The following FHIT variants were observed in gnomAD, a reference collection of about 807,000 sequenced individuals.
The protein encoded by FHIT is bis(5'-adenosyl)-triphosphatase.
Under a neutral mutation model 17.9 loss-of-function variants are expected in FHIT, and 19 were observed. The observed-to-expected ratio is 1.06, with a 90% CI of 0.74 to 1.56. The LOEUF is 1.56. FHIT is among the 40% of genes most tolerant of loss of function. The probability of loss-of-function intolerance (pLI) is 0.00; values close to 1 mark genes in which losing one functional copy is unlikely to be tolerated. For missense variants in FHIT, 248 were observed against 189.2 expected, an observed-to-expected ratio of 1.31 and a Z score of -1.82; for synonymous variants, 81 against 69.7, an observed-to-expected ratio of 1.16 and a Z score of -0.81.
At chr3:61,127,131 A>G (rs868626168) in intron 2 of FHIT, among the ~76,000 whole-genome samples, 2 of 152,190 alleles carry the variant, frequency 1.3e-5, no homozygotes, top group Non-Finnish European at 1.5e-5. Context: ...TTACGCTGTA[A>G]CAGAATCATT....
chr3:60,427,793 G>C lies in FHIT; in HGVS notation c.103+109067C>G, dbSNP rs569455133. Among the ~76,000 whole-genome samples the C allele has an allele frequency of 2.0e-5, 3 of 152,036 alleles. No homozygotes were observed. The East Asian group carries it at 5.8e-4, about 29-fold the overall frequency. On this transcript the variant is annotated intron_variant, in intron 5 of 9. Coordinates refer to ENST00000492590, the MANE Select transcript of FHIT (RefSeq NM_002012.4). Reference sequence around the variant, plus strand: ...ACTGCCTGCTGGTCAATTCCATGTGGGCACTACCAAACTCCTCATTTGATA... The same window carrying C: ...ACTGCCTGCTGGTCAATTCCATGTGCGCACTACCAAACTCCTCATTTGATA...
At chr3:60,525,875 G>A (rs1576813504) in intron 5 of FHIT, among the ~76,000 whole-genome samples, 1 of 152,116 alleles carries the variant, frequency 6.6e-6, no homozygotes, top group African/African-American at 2.4e-5. Context: ...GGGAGGCTGA[G>A]GTAGATTGCT....
chr3:60,301,409 A>G (rs1051241871), intron 5 of FHIT, among the ~76,000 whole-genome samples: 6 of 152,178 alleles, frequency 3.9e-5, no homozygotes, highest in African/African-American at 1.2e-4. Context: ...TCGCCAAGCT[A>G]TAATTACTGA....
Position 59,790,525 on chromosome 3 carries a change from T to C in FHIT, c.349-38204A>G, listed in dbSNP as rs1024343944. 5.9e-3 allele frequency among the ~76,000 whole-genome samples: 732 copies of C among 124,908 alleles called. 1 individual carries two copies. Among genetic ancestry groups the C allele is most frequent in the Non-Finnish European group, 7.2e-3 (446 of 61,990 alleles). The allele number at this position is 124,908 out of a possible 152,430, so 81.9% of individuals were successfully genotyped here. On this transcript the variant is annotated intron_variant, in intron 8 of 9. Transcript: ENST00000492590. ...CTCTCTTTCTCTCTCTCTCTCTCTCTCTCTGTGTGTGTGTGTGTATAAATC... is the reference window on the plus strand; with the variant it reads ...CTCTCTTTCTCTCTCTCTCTCTCTCCCTCTGTGTGTGTGTGTGTATAAATC...
At chr3:61,029,574 C>T (rs552429439) in intron 3 of FHIT, among the ~76,000 whole-genome samples, 1 of 152,266 alleles carries the variant, frequency 6.6e-6, no homozygotes, top group African/African-American at 2.4e-5. Flanking sequence ...GCAAGTCAGG[C>T]AGGCATATTA....
intron 1 of FHIT, among the ~76,000 whole-genome samples, chr3:61,212,723 A>T (rs563929189): frequency 6.6e-6 from 1 of 152,368 alleles, no homozygotes; most frequent in African/African-American, 2.4e-5. Flanking sequence ...AGTTGAAATG[A>T]AGGAAAAAAT....
chr3:59,749,727 G>A (rs1700781776), intron 9 of FHIT, 148 bp from the exon 10 acceptor site: 4 of 229,400 alleles, frequency 1.7e-5, no homozygotes, highest in Admixed American at 5.7e-5. Flanking sequence ...CCTGATTAAT[G>A]CTTAATTACA....
chr3:60,755,343 A>G (rs1486169675), intron 4 of FHIT, among the ~76,000 whole-genome samples: 1 of 152,190 alleles, frequency 6.6e-6, no homozygotes, highest in African/African-American at 2.4e-5. Flanking sequence ...GTCCCATCCC[A>G]TTGCTGTCAG....
intron 5 of FHIT, among the ~76,000 whole-genome samples, chr3:60,516,387 G>A (rs987742115): frequency 2.6e-5 from 4 of 152,160 alleles, no homozygotes; most frequent in African/African-American, 9.7e-5. Context: ...TCTATCATGA[G>A]ATGTCTTCGC....
At chr3:59,810,982 T>C (rs1700388076) in intron 8 of FHIT, among the ~76,000 whole-genome samples, 1 of 152,234 alleles carries the variant, frequency 6.6e-6, no homozygotes. Flanking sequence ...ATACTTGTGA[T>C]GGTCTGCTCT....
intron 4 of FHIT, among the ~76,000 whole-genome samples, chr3:60,721,485 C>T (rs1334470288): frequency 1.3e-5 from 2 of 152,064 alleles, no homozygotes; most frequent in Non-Finnish European, 2.9e-5. Flanking sequence ...ACAATTATAA[C>T]CTACCAAGTC....
chr3:60,041,398 T>C (rs1289684519), intron 5 of FHIT, among the ~76,000 whole-genome samples: 1 of 152,174 alleles, frequency 6.6e-6, no homozygotes, highest in Non-Finnish European at 1.5e-5. Context: ...CAGCAATAAT[T>C]TACACTTCAG....
At chr3:60,383,657 T>C (rs1283963592) in intron 5 of FHIT, among the ~76,000 whole-genome samples, 1 of 135,610 alleles carries the variant, frequency 7.4e-6, no homozygotes, top group Non-Finnish European at 1.7e-5. Context: ...CATGAGCTAC[T>C]GAAAAAAAAA....
intron 2 of FHIT, among the ~76,000 whole-genome samples, chr3:61,084,964 T>A (rs1332270067): frequency 3.3e-5 from 5 of 152,230 alleles, no homozygotes; most frequent in Admixed American, 3.3e-4. Flanking sequence ...CATATCCAGG[T>A]TATTTCAGGT....
chr3:60,104,671 G>C (rs762313877), intron 5 of FHIT, among the ~76,000 whole-genome samples: 1 of 152,020 alleles, frequency 6.6e-6, no homozygotes, highest in Non-Finnish European at 1.5e-5. Context: ...AATGGCCTTA[G>C]AGAAGGTGAG....
intron 5 of FHIT, among the ~76,000 whole-genome samples, chr3:60,515,614 CTT>C (rs138799891): frequency 0.082 from 12,422 of 151,072 alleles, 664 homozygotes; most frequent in East Asian, 0.1. Flanking sequence ...ATAAGAGAAA[CTT>C]TAAGAAAACT....
At chr3:61,241,257 ATCTTAC>A (rs2040367266) in intron 1 of FHIT, among the ~76,000 whole-genome samples, 1 of 152,036 alleles carries the variant, frequency 6.6e-6, no homozygotes, top group African/African-American at 2.4e-5. Context: ...GACTGAAACA[ATCTTAC>A]TCTAAGCAGG....
At chr3:61,125,808 G>A (rs1419450729) in intron 2 of FHIT, among the ~76,000 whole-genome samples, 2 of 152,102 alleles carry the variant, frequency 1.3e-5, no homozygotes, top group African/African-American at 2.4e-5. Flanking sequence ...GATGGGAGGA[G>A]GAGTAATCAT....
chr3:60,935,238 C>A (rs143162590), intron 3 of FHIT, among the ~76,000 whole-genome samples: 1 of 152,164 alleles, frequency 6.6e-6, no homozygotes, highest in African/African-American at 2.4e-5. Context: ...TGTATTCTTC[C>A]TTAAAACCTT....
Sources: gnomAD v4.1 joint callset for allele counts (sites outside exome capture counted in the v4.1 genomes callset) on GRCh38, gnomAD v4.1.1 for gene constraint, MANE v1.5 for transcripts, NCBI Gene and HGNC (gene_info 2026-07-23, HGNC 2026-07-21) for gene names.